PLXND1: variants seen among roughly 807,000 people sequenced by gnomAD.
PLXND1 encodes the protein plexin D1.
Under a neutral mutation model 197.7 loss-of-function variants are expected in PLXND1, and 54 were observed. That is an observed-to-expected ratio of 0.27 (90% CI 0.22 to 0.34). The LOEUF is 0.34. Ranked by LOEUF, PLXND1 falls within the 10% of genes least tolerant of loss-of-function variation. The probability of loss-of-function intolerance (pLI) is 1.00; values close to 1 mark genes in which losing one functional copy is unlikely to be tolerated. For synonymous variants in PLXND1, 1,180 were observed against 1,161.2 expected, an observed-to-expected ratio of 1.02 and a Z score of -0.33; for missense variants, 2,127 against 2,699.2, an observed-to-expected ratio of 0.79 and a Z score of 4.70.
rs2084996680 is a variant in PLXND1, at chr3:129,557,852, C to T, written c.5445+576G>A. ...AATGATACAATCTCATCCCTGCTCA[C>T]AGCAACCGGCTGCTTTCCTGCCTCC... On this transcript the variant is annotated intron_variant, in intron 33 of 35. Transcript: ENST00000324093. This position sits in a 1 kb window ranked among gnomAD's most constrained non-coding sequence, Gnocchi z 4.8. Among the ~76,000 whole-genome samples the T allele has an allele frequency of 6.6e-6, 1 of 152,246 alleles. No individual in the cohort carries two copies. The highest frequency in any genetic ancestry group is 1.5e-5 in the Non-Finnish European group (1 of 68,048).
chr3:129,589,310 T>TGCCCACCCCCCCCCCCCCCC, intron 2 of PLXND1, 41 bp downstream of exon 2: 2 of 501,294 alleles, frequency 4.0e-6, no homozygotes, highest in South Asian at 1.7e-5. Context: ...CAGGGGAGCC[T>TGCCCACCCCCCCCCCCCCCC]CCCACCCCCA....
In PLXND1 at chr3:129,572,633, T is replaced by C; in HGVS notation, c.3053A>G (p.Asp1018Gly). ...CATCAGCTCCGTGCAGGGGTCTGTG[T>C]CGTTCACCAGGACCTGGAGCTCGGA... ...VGSELQVLVN[D>G]TDPCTELMRT... Residue 1018 changes from aspartate (D) to glycine (G), a missense_variant, in exon 15 of 36, where the codon GAC becomes GGC. Physicochemically the swap from Asp to Gly is moderately conservative, Grantham distance 94 (BLOSUM62 -1). Around this residue, in one of 6 missense-constraint regions of PLXND1, gnomAD observed 1,095 missense variants for 1,259.8 expected, o/e 0.87. Coordinates refer to ENST00000324093, the MANE Select transcript of PLXND1 (RefSeq NM_015103.3). 1 of 1,588,838 alleles carries C rather than the reference T, an allele frequency of 6.3e-7. No individual in the cohort carries two copies. Among genetic ancestry groups the C allele is most frequent in the African/African-American group, 1.3e-5 (1 of 74,502 alleles).
intron 1 of PLXND1, among the ~76,000 whole-genome samples, chr3:129,592,335 G>A (rs1189164564): frequency 6.6e-6 from 1 of 152,250 alleles, no homozygotes; most frequent in Non-Finnish European, 1.5e-5. Flanking sequence ...TAGGGGCTAG[G>A]TAACTAAGTA....
chr3:129,556,674 G>C lies in PLXND1; in HGVS notation c.5604C>G (p.Phe1868Leu). Residue 1868 changes from phenylalanine (F) to leucine (L), a missense_variant, in exon 35 of 36, where the codon TTC (phenylalanine) becomes TTG (leucine). Coordinates refer to ENST00000324093, the MANE Select transcript of PLXND1 (RefSeq NM_015103.3). ...AEESRKYQNEFNTNVAMAEIY... is the reference protein window; with the variant it reads ...AEESRKYQNELNTNVAMAEIY... ...TCTCTGCCATGGCCACATTGGTGTT[G>C]AACTCATTCTGGTATTTCTATAAGG... The C allele has an allele frequency of 6.2e-7, 1 of 1,612,662 alleles. No individual in the cohort carries two copies. The highest frequency in any genetic ancestry group is 8.5e-7 in the Non-Finnish European group (1 of 1,179,006).
At chr3:129,593,588 C>G (rs6774878) in intron 1 of PLXND1, among the ~76,000 whole-genome samples, 107,302 of 152,180 alleles carry the variant, frequency 0.71, 38,736 homozygotes, top group Non-Finnish European at 0.78. Flanking sequence ...AGCCTGTGCT[C>G]TGGAGGGAAT....
At chr3:129,589,308 C>CGGGGG in intron 2 of PLXND1, 43 bp downstream of exon 2, 8 of 628,598 alleles carry the variant, frequency 1.3e-5, no homozygotes, top group East Asian at 3.7e-5. Flanking sequence ...CCCAGGGGAG[C>CGGGGG]CTCCCACCCC....
Position 129,563,259 on chromosome 3 carries a change from TC to T in PLXND1, c.4522-20del. On this transcript the variant is annotated intron_variant, in intron 25 of 35. Coordinates refer to ENST00000324093, the MANE Select transcript of PLXND1 (RefSeq NM_015103.3). The stretch of plus-strand genomic sequence containing the variant: ...CCGTCTCCTGAGGGGCACGGGGGTA[TC>T]AGGGCCAAGGCCCCCTCTGTATTCC... 6.3e-7 allele frequency: 1 copy of T among 1,598,252 alleles called. No homozygotes were observed. Among genetic ancestry groups the T allele is most frequent in the South Asian group, 1.1e-5 (1 of 88,764 alleles).
In PLXND1 at chr3:129,577,044, G is replaced by A. The variant is rs1402290350; in HGVS notation, c.2347-1189C>T. Among the ~76,000 whole-genome samples the A allele has an allele frequency of 1.3e-5, 2 of 152,148 alleles. No homozygotes were observed. Among genetic ancestry groups the A allele is most frequent in the Non-Finnish European group, 1.5e-5 (1 of 68,026 alleles). On this transcript the variant is annotated intron_variant, in intron 9 of 35. Coordinates refer to ENST00000324093, the MANE Select transcript of PLXND1 (RefSeq NM_015103.3). The surrounding 1 kb of genome is among the most constrained non-coding windows in gnomAD (Gnocchi z 5.0). ...GCAGGTCAACCTCCCTGCTTCTGGG[G>A]TCCCAGCCCGGAAGCTAACACAGGA...
chr3:129,584,518 G>A lies in PLXND1; in HGVS notation c.1896C>T (p.Gly632=), dbSNP rs2085432549. 6.2e-7 allele frequency: 1 copy of A among 1,613,522 alleles called. No homozygotes were observed. ...TCCCATAGTCACAGGCCATCTCCATGCCACTGAGGCTGGGCAGGCTGCCCG... is the reference window on the plus strand; with the variant it reads ...TCCCATAGTCACAGGCCATCTCCATACCACTGAGGCTGGGCAGGCTGCCCG... The part of the protein sequence containing the change: ...QISGSLPSLS[G]MEMACDYGNN... Residue 632 remains glycine, a synonymous_variant, in exon 6 of 36, where the codon GGC becomes GGT. Transcript: ENST00000324093.
intron 31 of PLXND1, among the ~76,000 whole-genome samples, 166 bp downstream of exon 31, chr3:129,560,164 C>T (rs2085036201): frequency 1.3e-5 from 2 of 152,196 alleles, no homozygotes. Context: ...CAAGTGGGAC[C>T]CTAAGCCTTC....
Position 129,586,237 on chromosome 3 carries a change from G to A in PLXND1, c.1656C>T (p.His552=), listed in dbSNP as rs1268852267. ...CACCCACGCAGTCCCCACAGGTGGA[G>A]TGCACGTTGCAGGCGGCGACCTTCA... ...ARVKVAACNV[H]STCGDCVGAA... is the part of the protein sequence containing the mutation. Residue 552 remains histidine (H), a synonymous_variant, in exon 4 of 36, where the codon CAC becomes CAT. Transcript: ENST00000324093. 1 of 1,596,948 alleles carries A rather than the reference G, an allele frequency of 6.3e-7. No homozygotes were observed. The highest frequency in any genetic ancestry group is 8.5e-7 in the Non-Finnish European group (1 of 1,176,080).
At chr3:129,568,721 G>A (rs1321641911) in intron 20 of PLXND1, among the ~76,000 whole-genome samples, 3 of 152,086 alleles carry the variant, frequency 2.0e-5, no homozygotes, top group Non-Finnish European at 4.4e-5. Context: ...GGTAATTTTT[G>A]TATTTTTTGT....
In PLXND1 at chr3:129,558,371, T is replaced by G. The variant is rs1378266599; in HGVS notation, c.5445+57A>C. ...AGAGAGTCGAGGAGGCTACCCATGG[T>G]CGGCACCCCACTCTGGCCCTGTGCA... is the stretch of plus-strand genomic sequence containing the variant. On this transcript the variant is annotated intron_variant, in intron 33 of 35. Coordinates refer to ENST00000324093, the MANE Select transcript of PLXND1 (RefSeq NM_015103.3). The surrounding 1 kb of genome is among the most constrained non-coding windows in gnomAD (Gnocchi z 4.1). 1 of 1,544,716 alleles carries G rather than the reference T, an allele frequency of 6.5e-7. No homozygotes were observed. The highest frequency in any genetic ancestry group is 1.4e-5 in the African/African-American group (1 of 73,252).
intron 1 of PLXND1, among the ~76,000 whole-genome samples, chr3:129,600,665 C>T (rs1314381444): frequency 3.3e-5 from 5 of 151,720 alleles, no homozygotes; most frequent in Non-Finnish European, 5.9e-5. Context: ...GTCATCTCAG[C>T]CAATCCTCCT....
chr3:129,555,729 C>G lies in PLXND1; in HGVS notation c.*583G>C. 2.0e-6 allele frequency: 1 copy of G among 507,414 alleles called. No individual in the cohort carries two copies. Among genetic ancestry groups the G allele is most frequent in the Non-Finnish European group, 3.4e-6 (1 of 291,678 alleles). 31.4% of individuals were successfully genotyped at this position (507,414 alleles called of 1,614,324 possible). ...GAAGCCCACAGAGCACCCCATGGCG[C>G]GGGCACTGCCCACTCTACCAACAGC... On this transcript the variant is annotated 3_prime_UTR_variant, in exon 36 of 36. Transcript: ENST00000324093.
In PLXND1 at chr3:129,556,157, CT is replaced by C; in HGVS notation, c.*154del. The C allele has an allele frequency of 1.5e-6, 1 of 653,994 alleles. No individual in the cohort carries two copies. The highest frequency in any genetic ancestry group is 2.7e-6 in the Non-Finnish European group (1 of 366,154). The allele number at this position is 653,994 out of a possible 1,614,324, so 40.5% of individuals were successfully genotyped here. ...CCCAGGGGTCAAGGCGGGGGCGCCC[CT>C]GTCTCAGAGAGCAGCCCCTCCTCCT... On this transcript the variant is annotated 3_prime_UTR_variant, in exon 36 of 36. Coordinates refer to ENST00000324093, the MANE Select transcript of PLXND1 (RefSeq NM_015103.3).
At chr3:129,580,870 C>A (rs762961615) in intron 8 of PLXND1, among the ~76,000 whole-genome samples, 1 of 151,956 alleles carries the variant, frequency 6.6e-6, no homozygotes, top group African/African-American at 2.4e-5. Flanking sequence ...TTCCTACCAC[C>A]CCACTCTCTC....
At chr3:129,564,644 G>T (rs920413107) in intron 25 of PLXND1, among the ~76,000 whole-genome samples, 1 of 152,264 alleles carries the variant, frequency 6.6e-6, no homozygotes, top group African/African-American at 2.4e-5. Flanking sequence ...CCCTTGCTCT[G>T]CGAAGAGAGC....
At chr3:129,560,877 G>A (rs56155536) in intron 29 of PLXND1, 154 bp from the exon 30 acceptor site, 42,796 of 693,306 alleles carry the variant, frequency 0.062, 1,664 homozygotes, top group Non-Finnish European at 0.082. Flanking sequence ...AAACAGAAAC[G>A]GAGACAGAGA....
Sources: gnomAD v4.1 joint callset for allele counts (sites outside exome capture counted in the v4.1 genomes callset) on GRCh38, gnomAD v4.1.1 for gene constraint, gnomAD v4.1.1 regional missense constraint, Gnocchi (gnomAD v3.1) non-coding constraint, MANE v1.5 for transcripts, NCBI Gene and HGNC (gene_info 2026-07-23, HGNC 2026-07-21) for gene names.